FRY: variants seen among roughly 807,000 people sequenced by gnomAD.
FRY encodes the protein FRY microtubule binding protein.
Under a neutral mutation model 348.4 loss-of-function variants are expected in FRY, and 128 were observed. The ratio of observed to expected loss-of-function variants is 0.37; its 90% CI spans 0.32 to 0.43. FRY has a LOEUF of 0.43. FRY is among the 20% of genes least tolerant of loss of function. The probability of loss-of-function intolerance (pLI) is 1.00; values close to 1 mark genes in which losing one functional copy is unlikely to be tolerated. For synonymous variants in FRY, 1,370 were observed against 1,374.7 expected, an observed-to-expected ratio of 1.00 and a Z score of 0.08; for missense variants, 2,736 against 3,695.2, an observed-to-expected ratio of 0.74 and a Z score of 6.73.
intron 54 of FRY, among the ~76,000 whole-genome samples, chr13:32,266,935 G>A (rs1350869193): frequency 6.6e-6 from 1 of 152,148 alleles, no homozygotes; most frequent in Non-Finnish European, 1.5e-5. Flanking sequence ...AGTGAGCCGA[G>A]ATCATGCCAC....
chr13:32,282,998 G>A (rs1429910453), intron 58 of FRY, among the ~76,000 whole-genome samples: 3 of 152,020 alleles, frequency 2.0e-5, no homozygotes, highest in Admixed American at 6.5e-5. Context: ...AAAATGAGCC[G>A]GGCACAGTGG....
At chr13:32,225,179 T>G in intron 38 of FRY, 143 bp downstream of exon 38, 1 of 699,996 alleles carries the variant, frequency 1.4e-6, no homozygotes, top group Non-Finnish European at 2.6e-6. Context: ...TGCCCTTTTG[T>G]GACATCTGCT....
chr13:32,275,822 G>C (rs17635503), intron 56 of FRY, among the ~76,000 whole-genome samples: 21,320 of 152,016 alleles, frequency 0.14, 1,972 homozygotes, highest in African/African-American at 0.26. Flanking sequence ...CTTTACACAT[G>C]GAACTCTAAC....
intron 55 of FRY, among the ~76,000 whole-genome samples, chr13:32,272,389 G>A (rs1159758872): frequency 5.9e-5 from 9 of 152,296 alleles, no homozygotes; most frequent in African/African-American, 2.2e-4. Context: ...CAGTCATTGT[G>A]TTTTCTTCTT....
At chr13:32,090,679 G>A (rs1876238282) in intron 2 of FRY, among the ~76,000 whole-genome samples, 1 of 152,012 alleles carries the variant, frequency 6.6e-6, no homozygotes, top group Admixed American at 6.6e-5. Context: ...AATGAAGGTT[G>A]TATCTTACAT....
chr13:32,162,627 A>C (rs1881514696), intron 17 of FRY, among the ~76,000 whole-genome samples: 1 of 152,160 alleles, frequency 6.6e-6, no homozygotes, highest in Admixed American at 6.5e-5. Context: ...GCACAAGAAC[A>C]GTGCTGAATG....
chr13:32,234,807 A>C, intron 42 of FRY, 46 bp downstream of exon 42: 169 of 1,438,336 alleles, frequency 1.2e-4, no homozygotes, highest in Non-Finnish European at 1.5e-4. Context: ...GAGCTCTCTC[A>C]TCTCAATGAG....
chr13:32,274,299 C>CA (rs34343129), intron 55 of FRY, among the ~76,000 whole-genome samples: 2 of 151,458 alleles, frequency 1.3e-5, no homozygotes, highest in East Asian at 1.9e-4. Flanking sequence ...TTCTCACCAC[C>CA]AAAAAAAATG....
intron 15 of FRY, among the ~76,000 whole-genome samples, chr13:32,156,259 A>C (rs935170291): frequency 6.6e-6 from 1 of 152,224 alleles, no homozygotes; most frequent in African/African-American, 2.4e-5. Context: ...CACACAAGGA[A>C]ATTTTTTGCT....
chr13:32,218,671 C>A lies in FRY; in HGVS notation c.4683-78C>A, dbSNP rs558698391. The A allele has an allele frequency of 9.2e-6, 7 of 764,182 alleles. No individual in the cohort carries two copies. In the East Asian group the frequency reaches 1.6e-4, roughly 18 times the overall value. 47.3% of individuals were successfully genotyped at this position (764,182 alleles called of 1,614,324 possible). On this transcript the variant is annotated intron_variant, in intron 35 of 60. Transcript: ENST00000542859. ...TGCAGCCTGGTGACAGAGTGAGACT[C>A]CAACTCAAAAAAAAAAAAAAAAAAA...
chr13:32,285,094 G>C (rs1888982049), intron 58 of FRY, among the ~76,000 whole-genome samples: 1 of 152,110 alleles, frequency 6.6e-6, no homozygotes, highest in Admixed American at 6.5e-5. Flanking sequence ...GAGCAGGAAG[G>C]GGGCTTGAAG....
intron 3 of FRY, among the ~76,000 whole-genome samples, chr13:32,104,370 C>T (rs1877393548): frequency 6.6e-6 from 1 of 152,210 alleles, no homozygotes; most frequent in Non-Finnish European, 1.5e-5. Context: ...GCTAGAAATG[C>T]AGACTGTTAG....
chr13:32,036,151 A>G (rs1872502468), intron 1 of FRY, among the ~76,000 whole-genome samples: 1 of 152,226 alleles, frequency 6.6e-6, no homozygotes, highest in South Asian at 2.1e-4. Flanking sequence ...AATTAATTTC[A>G]GTTTTAACCT....
intron 59 of FRY, among the ~76,000 whole-genome samples, chr13:32,292,790 C>CAATG (rs1555277254): frequency 7.1e-6 from 1 of 141,016 alleles, no homozygotes; most frequent in Admixed American, 7.1e-5. Context: ...GACTCCATCT[C>CAATG]AATAAATAAA....
intron 2 of FRY, 142 bp downstream of exon 2, chr13:32,079,175 A>G: frequency 4.1e-6 from 3 of 739,416 alleles, no homozygotes; most frequent in Non-Finnish European, 7.2e-6. Flanking sequence ...TGTTTTAAAG[A>G]TAATAGTTAG....
chr13:32,078,619 A>G (rs1048126458), intron 1 of FRY, among the ~76,000 whole-genome samples: 2 of 152,354 alleles, frequency 1.3e-5, no homozygotes, highest in Non-Finnish European at 2.9e-5. Context: ...TGTAGTGACT[A>G]GAATCTTGAG....
At chr13:32,069,291 C>T (rs1407286315) in intron 1 of FRY, among the ~76,000 whole-genome samples, 6 of 152,090 alleles carry the variant, frequency 3.9e-5, no homozygotes, top group African/African-American at 7.2e-5. Flanking sequence ...TTTTCATTCA[C>T]GAGGGCAGAG....
chr13:32,088,758 A>G (rs999485404), intron 2 of FRY, among the ~76,000 whole-genome samples: 7 of 152,240 alleles, frequency 4.6e-5, no homozygotes, highest in African/African-American at 9.6e-5. Context: ...CTTCAATTTA[A>G]TAGTATCCAA....
chr13:32,100,205 C>T (rs1023545151), intron 2 of FRY, among the ~76,000 whole-genome samples: 3 of 151,832 alleles, frequency 2.0e-5, no homozygotes, highest in African/African-American at 4.8e-5. Flanking sequence ...CTCAGCCTCC[C>T]GAGTAGCTGG....
Sources: allele counts gnomAD v4.1 joint callset (sites outside exome capture counted in the v4.1 genomes callset), GRCh38; gene constraint gnomAD v4.1.1; transcripts MANE v1.5; gene names NCBI Gene and HGNC (gene_info 2026-07-23, HGNC 2026-07-21).